Variants in LRRC4C observed in about 807,000 individuals in gnomAD.
LRRC4C encodes leucine rich repeat containing 4C.
A neutral mutation model predicts 33.6 loss-of-function variants in LRRC4C; 5 were observed. The ratio of observed to expected loss-of-function variants is 0.15; its 90% CI spans 0.08 to 0.31. The LOEUF (loss-of-function observed/expected upper bound fraction) is 0.31, where lower values mean the gene tolerates loss of function less well. Ranked by LOEUF, LRRC4C falls within the 10% of genes least tolerant of loss-of-function variation. The probability of loss-of-function intolerance (pLI) is 1.00; values close to 1 mark genes in which losing one functional copy is unlikely to be tolerated. For synonymous variants in LRRC4C, 329 were observed against 302.0 expected (o/e 1.09, Z -0.93); for missense variants, 560 against 796.7 (o/e 0.70, Z 3.58).
chr11:40,531,285 G>T (rs1956260671), intron 3 of LRRC4C, among the ~76,000 whole-genome samples: 1 of 152,068 alleles, frequency 6.6e-6, no homozygotes, highest in Admixed American at 6.6e-5. Context: ...GAATGATCCT[G>T]CCCATTTCAC....
chr11:41,426,235 C>G (rs1442912036), intron 1 of LRRC4C: 1 of 152,220 alleles, frequency 6.6e-6, no homozygotes, highest in Non-Finnish European at 1.5e-5. Context: ...TTCCTTTTCT[C>G]TTACTTGTTC....
intron 3 of LRRC4C, among the ~76,000 whole-genome samples, chr11:40,636,947 A>G (rs1364885350): frequency 2.0e-5 from 3 of 152,100 alleles, no homozygotes; most frequent in African/African-American, 4.8e-5. Flanking sequence ...ATGGCCCTTC[A>G]AGATCTTCAG....
intron 1 of LRRC4C, among the ~76,000 whole-genome samples, chr11:41,052,807 T>C (rs1858336779): frequency 6.6e-6 from 1 of 152,218 alleles, no homozygotes; most frequent in African/African-American, 2.4e-5. Flanking sequence ...TGATCATTCT[T>C]CAGTTTACAA....
At chr11:40,888,596 C>T (rs1379931304) in intron 2 of LRRC4C, among the ~76,000 whole-genome samples, 1 of 151,890 alleles carries the variant, frequency 6.6e-6, no homozygotes, top group Non-Finnish European at 1.5e-5. Flanking sequence ...ACATCCAAGA[C>T]ATCAACTTTC....
At chr11:41,095,744 G>C (rs12275574) in intron 1 of LRRC4C, among the ~76,000 whole-genome samples, 1 of 152,278 alleles carries the variant, frequency 6.6e-6, no homozygotes, top group African/African-American at 2.4e-5. Flanking sequence ...TTTTACATTA[G>C]AAAGTCAGGT....
At chr11:41,188,356 A>T (rs1945788439) in intron 1 of LRRC4C, among the ~76,000 whole-genome samples, 1 of 152,116 alleles carries the variant, frequency 6.6e-6, no homozygotes, top group Non-Finnish European at 1.5e-5. Context: ...TTACTCTTCA[A>T]TAATACATGT....
chr11:40,127,785 A>T (rs889501953), intron 6 of LRRC4C, among the ~76,000 whole-genome samples: 3 of 152,196 alleles, frequency 2.0e-5, no homozygotes, highest in African/African-American at 7.2e-5. Flanking sequence ...TGAAATACCA[A>T]TGAAGAGAAA....
At chr11:40,175,308 T>C (rs2135466945) in intron 5 of LRRC4C, among the ~76,000 whole-genome samples, 1 of 152,370 alleles carries the variant, frequency 6.6e-6, no homozygotes. Flanking sequence ...GCAAAACTGG[T>C]AAAAATGCGT....
intron 2 of LRRC4C, among the ~76,000 whole-genome samples, chr11:40,864,931 T>C (rs942070727): frequency 6.6e-6 from 1 of 152,182 alleles, no homozygotes; most frequent in African/African-American, 2.4e-5. Flanking sequence ...TAGCATCTGG[T>C]TCAAGTAACA....
At chr11:40,202,262 C>A (rs1862815721) in intron 5 of LRRC4C, among the ~76,000 whole-genome samples, 1 of 148,268 alleles carries the variant, frequency 6.7e-6, no homozygotes. Flanking sequence ...CTTGGCTGGC[C>A]AGAGGGAGGC....
chr11:40,526,118 T>C (rs1276328923), intron 3 of LRRC4C, among the ~76,000 whole-genome samples: 1 of 151,902 alleles, frequency 6.6e-6, no homozygotes, highest in Non-Finnish European at 1.5e-5. Context: ...AATCGTGAAT[T>C]ACATAAAAAT....
At chr11:40,444,594 C>T (rs1270288106) in intron 3 of LRRC4C, among the ~76,000 whole-genome samples, 1 of 151,842 alleles carries the variant, frequency 6.6e-6, no homozygotes, top group African/African-American at 2.4e-5. Flanking sequence ...TTTTATTTGC[C>T]TAATTTTTTT....
At chr11:41,297,061 T>C (rs1439886974) in intron 1 of LRRC4C, among the ~76,000 whole-genome samples, 1 of 152,204 alleles carries the variant, frequency 6.6e-6, no homozygotes, top group East Asian at 1.9e-4. Flanking sequence ...TTTTCTTCTA[T>C]ATCAAAACGG....
intron 3 of LRRC4C, among the ~76,000 whole-genome samples, chr11:40,343,137 T>TAG (rs1317394957): frequency 2.0e-5 from 3 of 152,062 alleles, no homozygotes; most frequent in Non-Finnish European, 2.9e-5. Flanking sequence ...ATAAACTGAC[T>TAG]CACTACCATT....
chr11:41,381,629 A>G (rs1953156130), intron 1 of LRRC4C, among the ~76,000 whole-genome samples: 1 of 93,318 alleles, frequency 1.1e-5, no homozygotes, highest in Admixed American at 1.0e-4. Flanking sequence ...TCTGCTTCAA[A>G]AAAAAAAAAA....
chr11:40,882,970 G>C (rs1283288830), intron 2 of LRRC4C, among the ~76,000 whole-genome samples: 2 of 152,010 alleles, frequency 1.3e-5, no homozygotes, highest in African/African-American at 2.4e-5. Context: ...TATTATATTA[G>C]AGGTATTTTC....
At chr11:41,327,993 T>C (rs1951174834) in intron 1 of LRRC4C, among the ~76,000 whole-genome samples, 2 of 152,186 alleles carry the variant, frequency 1.3e-5, no homozygotes, top group African/African-American at 4.8e-5. Flanking sequence ...TCAGTATTCA[T>C]AAAGTCTTAT....
intron 3 of LRRC4C, among the ~76,000 whole-genome samples, chr11:40,355,120 G>A (rs1033147596): frequency 3.3e-5 from 5 of 152,126 alleles, no homozygotes; most frequent in Non-Finnish European, 5.9e-5. Context: ...GTCCAGGAGC[G>A]AGGGCCTGGA....
intron 5 of LRRC4C, among the ~76,000 whole-genome samples, chr11:40,174,427 A>T (rs1312923714): frequency 1.3e-5 from 2 of 152,184 alleles, no homozygotes; most frequent in African/African-American, 4.8e-5. Flanking sequence ...ACTGATTAGA[A>T]TCCTAAAGGA....
Sources: gnomAD v4.1 joint callset for allele counts (sites outside exome capture counted in the v4.1 genomes callset) on GRCh38, gnomAD v4.1.1 for gene constraint, MANE v1.5 for transcripts, NCBI Gene and HGNC (gene_info 2026-07-23, HGNC 2026-07-21) for gene names.